The following IFT172 variants were observed in gnomAD, a reference collection of about 807,000 sequenced individuals.
IFT172 encodes intraflagellar transport protein 172 homolog.
A neutral mutation model predicts 248.9 loss-of-function variants in IFT172; 164 were observed. The ratio of observed to expected loss-of-function variants is 0.66; its 90% CI spans 0.58 to 0.75. IFT172 has a LOEUF of 0.75. Among genes scored for constraint, IFT172 ranks in the 30% least tolerant of loss-of-function variants. IFT172 has a pLI of 0.00. For synonymous variants in IFT172, 729 were observed against 791.6 expected (o/e 0.92, Z 1.33); for missense variants, 1,950 against 2,192.4 (o/e 0.89, Z 2.21).
chr2:27,447,439 C>T, intron 42 of IFT172, 76 bp downstream of exon 42: 2 of 1,550,638 alleles, frequency 1.3e-6, no homozygotes, highest in Non-Finnish European at 1.8e-6. Flanking sequence ...GAATCCAGAA[C>T]GTGAATCAAT....
At chr2:27,453,217 CCT>C in intron 35 of IFT172, 165 bp downstream of exon 35, 1 of 924,410 alleles carries the variant, frequency 1.1e-6, no homozygotes, top group Non-Finnish European at 1.8e-6. Flanking sequence ...ACTTTTATAG[CCT>C]TCAGAGGTTC....
chr2:27,449,903 G>GGAGGCCCACCTC, intron 36 of IFT172, 95 bp downstream of exon 36: 1 of 1,393,990 alleles, frequency 7.2e-7, no homozygotes, highest in Admixed American at 1.8e-5. Context: ...ATGCCCACCA[G>GGAGGCCCACCTC]GAGGCCCACC....
intron 42 of IFT172, among the ~76,000 whole-genome samples, chr2:27,447,258 G>A (rs1235178769): frequency 6.6e-6 from 1 of 152,196 alleles, no homozygotes; most frequent in Non-Finnish European, 1.5e-5. Context: ...ATTATAAGAG[G>A]TGAATAAAGA....
chr2:27,450,042 GA>G lies in IFT172; in HGVS notation c.4005del (p.Leu1336TrpfsTer3). The G allele has an allele frequency of 6.2e-7, 1 of 1,614,144 alleles. No homozygotes were observed. Among genetic ancestry groups the G allele is most frequent in the South Asian group, 1.1e-5 (1 of 91,082 alleles). On this transcript the variant is annotated frameshift_variant, in exon 36 of 48. Transcript: ENST00000260570. LOFTEE classifies it high-confidence loss of function. ...CCAATCAGCTGGGGTCCTACAGCCA[GA>G]ACGACTTCCATATTACGTTGGGGAG... ...FLPPQRNMEV[V>X]LAVGPQLIGI...
At chr2:27,448,498 T>C (rs1665373211) in intron 40 of IFT172, among the ~76,000 whole-genome samples, 1 of 152,230 alleles carries the variant, frequency 6.6e-6, no homozygotes, top group Admixed American at 6.5e-5. Context: ...GAAATAACTT[T>C]CTTAGCTGGT....
Position 27,447,586 on chromosome 2 carries a change from C to A in IFT172, c.4588G>T (p.Glu1530Ter). ...GCGATCAGCAGCATCGTCTTGAACT[C>A]CTCATGGGCTGGAGAGTTTGCCTCA... ...SSEANSPAHE[E>*]FKTMLLIAHY... The change falls in exon 42 of 48, where the codon GAG becomes TAG. Residue 1530 changes from glutamate to a stop codon, truncating the protein, a stop_gained. Transcript: ENST00000260570. LOFTEE classifies it high-confidence loss of function. 1.2e-6 allele frequency: 2 copies of A among 1,614,166 alleles called. No individual in the cohort carries two copies. Among genetic ancestry groups the A allele is most frequent in the Non-Finnish European group, 1.7e-6 (2 of 1,180,028 alleles).
chr2:27,458,824 G>A lies in IFT172; in HGVS notation c.2832C>T (p.Ala944=). ...LYTKGDRTKD[A]IDMYTQAGRW... ...GACCAGCCTGGGTGTACATGTCTAT[G>A]GCATCTTTTGTCCGATCTCCCTTAG... The change falls in exon 26 of 48, where the codon GCC becomes GCT. Residue 944 remains alanine, a synonymous_variant. Coordinates refer to ENST00000260570, the MANE Select transcript of IFT172 (RefSeq NM_015662.3). 1 of 1,614,106 alleles carries A rather than the reference G, an allele frequency of 6.2e-7. No individual in the cohort carries two copies. Among genetic ancestry groups the A allele is most frequent in the Non-Finnish European group, 8.5e-7 (1 of 1,180,018 alleles).
chr2:27,465,014 T>C (rs1666983054), intron 18 of IFT172, among the ~76,000 whole-genome samples: 1 of 151,364 alleles, frequency 6.6e-6, no homozygotes, highest in Non-Finnish European at 1.5e-5. Context: ...CTCTGCCTCC[T>C]GGGTTCAAGC....
chr2:27,456,614 C>T lies in IFT172; in HGVS notation c.3268G>A (p.Val1090Met), dbSNP rs76076247. The T allele has an allele frequency of 1.2e-4, 187 of 1,614,140 alleles. 1 individual carries two copies. In the South Asian group the frequency reaches 1.7e-3, roughly 14 times the overall value. ...AGGCTCTTTGCCCACAGATAGGCCA[C>T]GTGTTTGTGGGCATTAGCCCCTCCT... ...TQGGANAHKH[V>M]AYLWAKSLGG... Residue 1090 changes from valine (V) to methionine (M), a missense_variant, in exon 30 of 48, where the codon GTG becomes ATG. This residue lies in a region of IFT172 where 164 missense variants were observed against 239.3 expected (regional missense o/e 0.69). Coordinates refer to ENST00000260570, the MANE Select transcript of IFT172 (RefSeq NM_015662.3).
chr2:27,489,114 G>A (rs1208442295), intron 1 of IFT172, among the ~76,000 whole-genome samples: 1 of 152,188 alleles, frequency 6.6e-6, no homozygotes, highest in Non-Finnish European at 1.5e-5. Context: ...AGAAAGTAGT[G>A]GTGGAGCTAG....
intron 34 of IFT172, 37 bp from the exon 35 acceptor site, chr2:27,453,550 G>C (rs751000729): frequency 1.2e-6 from 2 of 1,611,574 alleles, no homozygotes; most frequent in African/African-American, 1.3e-5. Context: ...GGCATGGTAG[G>C]GGGGCAGCAT....
In IFT172 at chr2:27,446,283, A is replaced by C. The variant is rs764818890; in HGVS notation, c.4732T>G (p.Tyr1578Asp). The stretch of plus-strand genomic sequence containing the variant: ...ACCTTGGCAGCAATGCCTGCTTCAT[A>C]GAAGGCTTTGTCTACAGGTAGTAGC... ...TQLLPVDKAF[Y>D]EAGIAAKAVG... The change falls in exon 43 of 48, where the codon TAT (tyrosine) becomes GAT (aspartate). Residue 1578 changes from tyrosine to aspartate, a missense_variant. By Grantham distance (160) the Tyr-to-Asp change is radical. Coordinates refer to ENST00000260570, the MANE Select transcript of IFT172 (RefSeq NM_015662.3). The C allele has an allele frequency of 4.3e-6, 7 of 1,614,210 alleles. No individual in the cohort carries two copies. In the South Asian group the frequency reaches 7.7e-5, roughly 18 times the overall value.
intron 18 of IFT172, among the ~76,000 whole-genome samples, chr2:27,464,230 T>G (rs1455566762): frequency 6.6e-6 from 1 of 152,196 alleles, no homozygotes; most frequent in Non-Finnish European, 1.5e-5. Flanking sequence ...TCAAGGATGA[T>G]TCCTAGCCAA....
chr2:27,479,661 G>C, intron 9 of IFT172, 57 bp from the exon 10 acceptor site: 1 of 1,068,886 alleles, frequency 9.4e-7, no homozygotes. Context: ...GGCATGGGGA[G>C]AGTATCTAGA....
At chr2:27,479,473 C>G (rs1272909269) in intron 10 of IFT172, 36 bp downstream of exon 10, 1 of 1,174,684 alleles carries the variant, frequency 8.5e-7, no homozygotes, top group Non-Finnish European at 1.3e-6. Context: ...ATGAGCCACG[C>G]AAGTTCTCAG....
chr2:27,487,439 T>G (rs1447336165), intron 1 of IFT172, among the ~76,000 whole-genome samples: 1 of 152,234 alleles, frequency 6.6e-6, no homozygotes, highest in Admixed American at 6.5e-5. Flanking sequence ...TGATAAGTGC[T>G]TGACAAGCAT....
At position 27,454,540 on chromosome 2, in the gene IFT172, C is replaced by A. The variant is rs760258180; in HGVS notation, c.3465+27G>T. 1 of 1,611,330 alleles carries A rather than the reference C, an allele frequency of 6.2e-7. No homozygotes were observed. Among genetic ancestry groups the A allele is most frequent in the South Asian group, 1.1e-5 (1 of 91,030 alleles). ...TAGGGGATGGAATAAGAGGGCTCTG[C>A]GGTCGGGGTCCAAATCACACCCATA... is the stretch of plus-strand genomic sequence containing the variant. On this transcript the variant is annotated intron_variant, in intron 31 of 47. Transcript: ENST00000260570. The surrounding 1 kb of genome is among the most constrained non-coding windows in gnomAD (Gnocchi z 4.2).
Position 27,456,601 on chromosome 2 carries a change from C to T in IFT172, c.3281G>A (p.Trp1094Ter). 6.2e-7 allele frequency: 1 copy of T among 1,614,146 alleles called. No individual in the cohort carries two copies. Among genetic ancestry groups the T allele is most frequent in the Non-Finnish European group, 8.5e-7 (1 of 1,180,012 alleles). Reference protein sequence around the residue: ...ANAHKHVAYLWAKSLGGEAAV... With the variant: ...ANAHKHVAYL Reference sequence around the variant, plus strand: ...AGCCTCTCCTCCCAGGCTCTTTGCCCACAGATAGGCCACGTGTTTGTGGGC... The same window carrying T: ...AGCCTCTCCTCCCAGGCTCTTTGCCTACAGATAGGCCACGTGTTTGTGGGC... The change falls in exon 30 of 48, where the codon TGG (tryptophan) becomes TAG (stop). Residue 1094 changes from tryptophan (W) to a stop codon, truncating the protein, a stop_gained. Coordinates refer to ENST00000260570, the MANE Select transcript of IFT172 (RefSeq NM_015662.3). LOFTEE classifies it high-confidence loss of function.
chr2:27,461,249 G>C lies in IFT172; in HGVS notation c.2442+20C>G. ...TCCTGAGCTCTGGAGATAAGGGCTA[G>C]GAAAAGGAAGCCAGCATACCCTTTC... is the stretch of plus-strand genomic sequence containing the variant. On this transcript the variant is annotated intron_variant, in intron 22 of 47. Coordinates refer to ENST00000260570, the MANE Select transcript of IFT172 (RefSeq NM_015662.3). 1 of 1,613,486 alleles carries C rather than the reference G, an allele frequency of 6.2e-7. No homozygotes were observed. The highest frequency in any genetic ancestry group is 8.5e-7 in the Non-Finnish European group (1 of 1,179,480).
Sources: gnomAD v4.1 joint callset for allele counts (sites outside exome capture counted in the v4.1 genomes callset) on GRCh38, gnomAD v4.1.1 for gene constraint, gnomAD v4.1.1 regional missense constraint, Gnocchi (gnomAD v3.1) non-coding constraint, MANE v1.5 for transcripts, NCBI Gene and HGNC (gene_info 2026-07-23, HGNC 2026-07-21) for gene names.